Variants in MYO3B observed in about 807,000 individuals in gnomAD.
MYO3B encodes the protein myosin-IIIb.
Under a neutral mutation model 174.6 loss-of-function variants are expected in MYO3B, and 156 were observed. The observed-to-expected ratio is 0.89, with a 90% CI of 0.78 to 1.02. The LOEUF (loss-of-function observed/expected upper bound fraction) is 1.02. Ranked by LOEUF, MYO3B falls within the 50% of genes least tolerant of loss-of-function variation. The pLI, the probability that MYO3B is intolerant of heterozygous loss-of-function variation, is 0.00. For synonymous variants in MYO3B, 563 were observed against 569.1 expected (o/e 0.99, Z 0.15); for missense variants, 1,632 against 1,639.4 (o/e 1.00, Z 0.08).
At chr2:170,408,144 G>T (rs75901536) in intron 22 of MYO3B, among the ~76,000 whole-genome samples, 1 of 152,090 alleles carries the variant, frequency 6.6e-6, no homozygotes, top group African/African-American at 2.4e-5. Context: ...AAAGCCATAC[G>T]ATATCATTAA....
chr2:170,584,519 A>G (rs934585486), intron 32 of MYO3B, among the ~76,000 whole-genome samples: 3 of 152,232 alleles, frequency 2.0e-5, no homozygotes, highest in Non-Finnish European at 4.4e-5. Context: ...CCTTTAAGAA[A>G]ATACAGTTCT....
At chr2:170,596,409 C>T (rs1694152018) in intron 32 of MYO3B, among the ~76,000 whole-genome samples, 1 of 152,184 alleles carries the variant, frequency 6.6e-6, no homozygotes, top group South Asian at 2.1e-4. Context: ...ATTTCCAGCC[C>T]CTCTGCTTTC....
At chr2:170,651,459 CTGTG>C (rs1444108701) in intron 32 of MYO3B, among the ~76,000 whole-genome samples, 165 bp from the exon 33 acceptor site, 2 of 152,190 alleles carry the variant, frequency 1.3e-5, no homozygotes, top group Admixed American at 6.5e-5. Context: ...ACTTAGCAAT[CTGTG>C]TGTATTTTTT....
intron 23 of MYO3B, among the ~76,000 whole-genome samples, chr2:170,462,081 T>C (rs1272752263): frequency 6.6e-6 from 1 of 152,224 alleles, no homozygotes; most frequent in Non-Finnish European, 1.5e-5. Context: ...CAGGTGGTGC[T>C]GGTGTGTTGT....
chr2:170,481,030 G>A (rs917791888), intron 25 of MYO3B, among the ~76,000 whole-genome samples: 4 of 152,194 alleles, frequency 2.6e-5, no homozygotes, highest in Non-Finnish European at 4.4e-5. Context: ...ACAGGATAGC[G>A]TTTAGAGAAA....
At chr2:170,329,259 G>GTGTGTGTATA (rs918829938) in intron 7 of MYO3B, among the ~76,000 whole-genome samples, 3 of 149,260 alleles carry the variant, frequency 2.0e-5, no homozygotes, top group South Asian at 4.2e-4. Flanking sequence ...GTGTGTGTGT[G>GTGTGTGTATA]TATATATATA....
At chr2:170,643,608 ACT>A (rs1233559332) in intron 32 of MYO3B, 3 of 152,030 alleles carry the variant, frequency 2.0e-5, no homozygotes, top group Non-Finnish European at 4.4e-5. Flanking sequence ...AACACTGAAC[ACT>A]CTGTTTGCTT....
At chr2:170,328,206 T>G (rs1449329878) in intron 7 of MYO3B, among the ~76,000 whole-genome samples, 1 of 152,104 alleles carries the variant, frequency 6.6e-6, no homozygotes, top group Non-Finnish European at 1.5e-5. Flanking sequence ...TGGCCACATA[T>G]GCATATTTTG....
intron 32 of MYO3B, among the ~76,000 whole-genome samples, chr2:170,628,677 T>G (rs913011879): frequency 3.3e-5 from 5 of 150,126 alleles, no homozygotes; most frequent in Non-Finnish European, 7.5e-5. Flanking sequence ...CTTGGAACTG[T>G]CCTCTTATAT....
intron 8 of MYO3B, among the ~76,000 whole-genome samples, chr2:170,358,145 T>G (rs1408640615): frequency 3.5e-5 from 5 of 144,684 alleles, no homozygotes; most frequent in African/African-American, 1.3e-4. Context: ...AGAGTGAAAC[T>G]CCTTCTCAAA....
At chr2:170,329,748 T>C (rs2093898675) in intron 7 of MYO3B, among the ~76,000 whole-genome samples, 1 of 152,072 alleles carries the variant, frequency 6.6e-6, no homozygotes. Flanking sequence ...ATGTAAACTT[T>C]TAAAAATAAT....
intron 23 of MYO3B, among the ~76,000 whole-genome samples, chr2:170,445,023 A>G (rs1268699165): frequency 6.6e-6 from 1 of 152,324 alleles, no homozygotes; most frequent in Middle Eastern, 3.4e-3. Context: ...GAATCAGCAA[A>G]TACTGAACCA....
intron 22 of MYO3B, among the ~76,000 whole-genome samples, chr2:170,437,232 G>A (rs754269225): frequency 3.4e-5 from 5 of 148,278 alleles, no homozygotes; most frequent in African/African-American, 5.3e-5. Flanking sequence ...ACTGGGGGTG[G>A]CCAGGTTTCT....
At chr2:170,407,937 A>G in intron 22 of MYO3B, 93 bp downstream of exon 22, 1 of 1,454,638 alleles carries the variant, frequency 6.9e-7, no homozygotes. Flanking sequence ...CCAGGGCTGC[A>G]CCGCTAACAT....
At chr2:170,313,627 A>G (rs2093754447) in intron 7 of MYO3B, among the ~76,000 whole-genome samples, 1 of 152,172 alleles carries the variant, frequency 6.6e-6, no homozygotes, top group Non-Finnish European at 1.5e-5. Context: ...AATGTCAGCA[A>G]GCATGATCTC....
rs571207595 is a variant in MYO3B, at chr2:170,593,370, TG to T, written c.3733+49386del. ...CTCCCACCTTGGCTTTCCAAAGTGC[TG>T]GGGTTGCAGGCATGAGCCAGCATGC... On this transcript the variant is annotated intron_variant, in intron 32 of 34. Transcript: ENST00000408978. Among the ~76,000 whole-genome samples, 236 of 152,306 alleles carry T rather than the reference TG, an allele frequency of 1.5e-3. 1 individual carries two copies. Among genetic ancestry groups the T allele is most frequent in the South Asian group, 6.0e-3 (29 of 4,822 alleles).
At chr2:170,544,199 G>A (rs2106207788) in intron 32 of MYO3B, among the ~76,000 whole-genome samples, 1 of 152,308 alleles carries the variant, frequency 6.6e-6, no homozygotes, top group South Asian at 2.1e-4. Flanking sequence ...GAATATCAAA[G>A]TCCATGCTTT....
At chr2:170,616,432 T>TG (rs1332197033) in intron 32 of MYO3B, among the ~76,000 whole-genome samples, 1 of 152,212 alleles carries the variant, frequency 6.6e-6, no homozygotes, top group Non-Finnish European at 1.5e-5. Context: ...CACGTGCAGT[T>TG]GGCTCATTCT....
At chr2:170,238,088 G>C (rs1033991491) in intron 7 of MYO3B, among the ~76,000 whole-genome samples, 10 of 152,082 alleles carry the variant, frequency 6.6e-5, no homozygotes, top group Non-Finnish European at 1.5e-5. Flanking sequence ...AATATGTTGG[G>C]TTTATATTCA....
Sources: gnomAD v4.1 joint callset for allele counts (sites outside exome capture counted in the v4.1 genomes callset) on GRCh38, gnomAD v4.1.1 for gene constraint, MANE v1.5 for transcripts, NCBI Gene and HGNC (gene_info 2026-07-23, HGNC 2026-07-21) for gene names.